The following TPO variants were observed in gnomAD, a reference collection of about 807,000 sequenced individuals.
The protein encoded by TPO is thyroid microsomal antigen.
A neutral mutation model predicts 96.9 loss-of-function variants in TPO; 78 were observed. The ratio of observed to expected loss-of-function variants is 0.81; its 90% CI spans 0.67 to 0.97. TPO has a LOEUF of 0.97. TPO is among the 50% of genes least tolerant of loss of function. The probability of loss-of-function intolerance (pLI) is 0.00; values close to 1 mark genes in which losing one functional copy is unlikely to be tolerated. For missense variants in TPO, 1,252 were observed against 1,274.8 expected (o/e 0.98, Z 0.27); for synonymous variants, 547 against 538.0 (o/e 1.02, Z -0.23).
At position 1,492,098 on chromosome 2, in the gene TPO, C is replaced by T. The variant is rs1012298145; in HGVS notation, c.1769-1704C>T. On this transcript the variant is annotated intron_variant, in intron 10 of 16. Transcript: ENST00000329066. ...TGAGGGTGAACCAGGGAGCCACCTG[C>T]TAAGAAATGGACTCAATGGCACCTG... is the stretch of plus-strand genomic sequence containing the variant. Among the ~76,000 whole-genome samples the T allele has an allele frequency of 3.3e-5, 5 of 152,308 alleles. No individual in the cohort carries two copies. The South Asian group carries it at 8.3e-4, about 25-fold the overall frequency.
intron 15 of TPO, among the ~76,000 whole-genome samples, chr2:1,527,102 T>C (rs1327788738): frequency 9.3e-6 from 1 of 107,018 alleles, no homozygotes; most frequent in Non-Finnish European, 1.8e-5. Context: ...CCCCCCACTT[T>C]CTGCAACCTC....
chr2:1,421,002 G>A (rs955239777), intron 2 of TPO, among the ~76,000 whole-genome samples: 1 of 152,006 alleles, frequency 6.6e-6, no homozygotes, highest in African/African-American at 2.4e-5. Flanking sequence ...ACTCAGGAGA[G>A]AAGTTCAAGT....
chr2:1,402,456 G>A (rs113810373), intron 1 of TPO, among the ~76,000 whole-genome samples: 6 of 152,162 alleles, frequency 3.9e-5, no homozygotes, highest in Non-Finnish European at 2.9e-5. Context: ...GGAGCCAAGG[G>A]GGGTGGGGGA....
At chr2:1,537,447 TCTC>T (rs1680024703) in intron 15 of TPO, among the ~76,000 whole-genome samples, 1 of 111,208 alleles carries the variant, frequency 9.0e-6, no homozygotes, top group African/African-American at 3.4e-5. Context: ...AACTCCCAAA[TCTC>T]CCCACTGTGT....
chr2:1,436,883 G>T (rs763059313), intron 5 of TPO, among the ~76,000 whole-genome samples: 2 of 152,042 alleles, frequency 1.3e-5, no homozygotes, highest in Non-Finnish European at 2.9e-5. Flanking sequence ...CCCCATTCAC[G>T]CTCCCTGTTA....
At chr2:1,487,107 GGA>G (rs2124848459) in intron 9 of TPO, among the ~76,000 whole-genome samples, 1 of 152,312 alleles carries the variant, frequency 6.6e-6, no homozygotes, top group Non-Finnish European at 1.5e-5. Flanking sequence ...CGGGGCCTTT[GGA>G]GATGACAGGA....
At chr2:1,502,020 A>G (rs1672922767) in intron 13 of TPO, among the ~76,000 whole-genome samples, 1 of 151,730 alleles carries the variant, frequency 6.6e-6, no homozygotes, top group South Asian at 2.1e-4. Flanking sequence ...GGATGCAGGG[A>G]TGTGTTGGCA....
rs946585048 is a variant in TPO at position 1,477,220 on chromosome 2, C to T, written c.954C>T (p.Asn318=). 19 of 1,609,730 alleles carry T rather than the reference C, an allele frequency of 1.2e-5. No homozygotes were observed. Among genetic ancestry groups the T allele is most frequent in the African/African-American group, 8.0e-5 (6 of 74,904 alleles). Residue 318 remains asparagine (N), a synonymous_variant, in exon 8 of 17, where the codon AAC becomes AAT. Coordinates refer to ENST00000329066, the MANE Select transcript of TPO (RefSeq NM_001206744.2). ...CGGCCAACCCGCGGCAGCAGATGAACGGGTTGACCTCGTTCCTGGACGCGT... is the reference window on the plus strand; with the variant it reads ...CGGCCAACCCGCGGCAGCAGATGAATGGGTTGACCTCGTTCCTGGACGCGT... The part of the protein sequence containing the change: ...LSTANPRQQM[N]GLTSFLDAST...
chr2:1,539,142 A>G (rs956961263), intron 15 of TPO, among the ~76,000 whole-genome samples: 1 of 152,208 alleles, frequency 6.6e-6, no homozygotes, highest in Non-Finnish European at 1.5e-5. Context: ...TGACTTTGAA[A>G]TGATTATCAA....
chr2:1,472,827 C>CAAGA (rs1669555381), intron 7 of TPO, among the ~76,000 whole-genome samples: 1 of 48,330 alleles, frequency 2.1e-5, no homozygotes, highest in African/African-American at 8.8e-5. Flanking sequence ...TGTTTGGCGG[C>CAAGA]AAAAAAAAAA....
At chr2:1,535,741 C>G (rs567866691) in intron 15 of TPO, among the ~76,000 whole-genome samples, 3 of 103,026 alleles carry the variant, frequency 2.9e-5, no homozygotes, top group East Asian at 3.7e-4. Flanking sequence ...GCAACCTCCC[C>G]AAATCCCCCC....
intron 1 of TPO, among the ~76,000 whole-genome samples, chr2:1,392,089 G>T (rs1292525726): frequency 6.6e-6 from 1 of 152,124 alleles, no homozygotes; most frequent in East Asian, 1.9e-4. Flanking sequence ...TCCTTGTCTT[G>T]TGCCAGTTTT....
chr2:1,462,170 C>T (rs1668507655), intron 7 of TPO, among the ~76,000 whole-genome samples: 1 of 152,168 alleles, frequency 6.6e-6, no homozygotes, highest in South Asian at 2.1e-4. Flanking sequence ...GGAGCACATG[C>T]TTGTGGGACC....
At chr2:1,422,204 A>G (rs573379302) in intron 2 of TPO, among the ~76,000 whole-genome samples, 1 of 148,908 alleles carries the variant, frequency 6.7e-6, no homozygotes, top group Non-Finnish European at 1.5e-5. Context: ...AGCAGGGCAG[A>G]GTGAGCAGGA....
At chr2:1,515,105 T>TACTGACTGC (rs1674545792) in intron 14 of TPO, among the ~76,000 whole-genome samples, 1 of 152,180 alleles carries the variant, frequency 6.6e-6, no homozygotes, top group Non-Finnish European at 1.5e-5. Context: ...GGCTGCCCTG[T>TACTGACTGC]CCTGACTGCC....
intron 15 of TPO, among the ~76,000 whole-genome samples, chr2:1,537,994 A>ACC (rs538720468): frequency 2.3e-5 from 1 of 44,390 alleles, no homozygotes; most frequent in Admixed American, 3.8e-4. Context: ...ACTCTGTGCA[A>ACC]CCCCCCCAAA....
At chr2:1,506,023 C>A (rs1673419552) in intron 14 of TPO, among the ~76,000 whole-genome samples, 1 of 151,440 alleles carries the variant, frequency 6.6e-6, no homozygotes, top group Admixed American at 6.6e-5. Context: ...TCTCCTAATG[C>A]TATCCTTCCC....
chr2:1,534,284 A>C (rs1391093940), intron 15 of TPO, among the ~76,000 whole-genome samples: 4 of 128,124 alleles, frequency 3.1e-5, no homozygotes, highest in African/African-American at 6.0e-5. Flanking sequence ...AATATGAGCA[A>C]CCTCCTCACA....
upstream of TPO, among the ~76,000 whole-genome samples, chr2:1,412,840 C>T (rs1432925338): frequency 1.3e-5 from 2 of 151,894 alleles, no homozygotes. Context: ...TGTCATCTCC[C>T]AGTGTTCGGA....
Sources: allele counts gnomAD v4.1 joint callset (sites outside exome capture counted in the v4.1 genomes callset), GRCh38; gene constraint gnomAD v4.1.1; transcripts MANE v1.5; gene names NCBI Gene and HGNC (gene_info 2026-07-23, HGNC 2026-07-21).